The following TNRC18 variants were observed in gnomAD, a reference collection of about 807,000 sequenced individuals.
TNRC18 encodes trinucleotide repeat containing 18, also known as trinucleotide repeat-containing gene 18 protein.
Under a neutral mutation model 226.7 loss-of-function variants are expected in TNRC18, and 69 were observed. That is an observed-to-expected ratio of 0.30 (90% confidence interval 0.25 to 0.37). The LOEUF is 0.37. TNRC18 is among the 10% of genes least tolerant of loss of function. TNRC18 has a pLI of 1.00. For missense variants in TNRC18, 4,754 were observed against 4,256.6 expected, an observed-to-expected ratio of 1.12 and a Z score of -3.25; for synonymous variants, 2,449 against 1,927.6, an observed-to-expected ratio of 1.27 and a Z score of -7.09.
rs376814816 is a variant in TNRC18 at position 5,385,283 on chromosome 7, T to C, written c.2152+2389A>G. Among the ~76,000 whole-genome samples, 102 of 152,082 alleles carry C rather than the reference T, an allele frequency of 6.7e-4. 2 individuals carry two copies. The highest frequency in any genetic ancestry group is 2.4e-3 in the African/African-American group (99 of 41,512). On this transcript the variant is annotated intron_variant, in intron 5 of 29. Transcript: ENST00000430969. ...GGGCAGATCACTTGAGGTCAGGAGATCGAGACCATCCTGGCTAACAAGGTG... is the reference window on the plus strand; with the variant it reads ...GGGCAGATCACTTGAGGTCAGGAGACCGAGACCATCCTGGCTAACAAGGTG...
At chr7:5,308,539 G>A (rs530471304) in intron 29 of TNRC18, among the ~76,000 whole-genome samples, 2 of 152,270 alleles carry the variant, frequency 1.3e-5, no homozygotes, top group African/African-American at 2.4e-5. Context: ...GAGATCCAAA[G>A]ACGCAGAGAG....
Position 5,389,461 on chromosome 7 carries a change from G to GTTTTTTTTTT in TNRC18, c.488-135_488-126dup. ...TGCCTCCCCCAGTGTTTTGGTTTTG[G>GTTTTTTTTTT]TTTTTTTTTTCAGAAAGAGTCTCGC... On this transcript the variant is annotated intron_variant, in intron 4 of 29. Transcript: ENST00000430969. The GTTTTTTTTTT allele has an allele frequency of 1.1e-5, 6 of 564,664 alleles. No homozygotes were observed. In the African/African-American group the frequency reaches 1.1e-4, roughly 10 times the overall value. The allele number at this position is 564,664 out of a possible 1,614,324, so 35.0% of individuals were successfully genotyped here. A position where few individuals can be genotyped will look rare whatever the true frequency, so the allele number is the denominator to read the frequency against.
intron 2 of TNRC18, among the ~76,000 whole-genome samples, chr7:5,413,355 A>AT (rs1184008359): frequency 6.6e-6 from 1 of 151,848 alleles, no homozygotes; most frequent in African/African-American, 2.4e-5. Flanking sequence ...CACCCAAGCC[A>AT]TTGAGTTCTC....
rs1313882323 is a variant in TNRC18 at position 5,374,371 on chromosome 7, C to T, written c.2913G>A (p.Leu971=). 2.0e-6 allele frequency: 3 copies of T among 1,474,924 alleles called. No individual in the cohort carries two copies. Among genetic ancestry groups the T allele is most frequent in the African/African-American group, 3.0e-5 (2 of 67,336 alleles). 91.4% of individuals were successfully genotyped at this position (1,474,924 alleles called of 1,614,324 possible). Residue 971 remains leucine, a synonymous_variant, in exon 10 of 30, where the codon CTG becomes CTA. Transcript: ENST00000430969. ...AGLATAGPGL[L]PRKPPGLAAG... Reference sequence around the variant, plus strand: ...CGGCCAGGCCAGGGGGCTTCCGCGGCAGCAGCCCGGGGCCGGCGGTGGCCA... The same window carrying T: ...CGGCCAGGCCAGGGGGCTTCCGCGGTAGCAGCCCGGGGCCGGCGGTGGCCA...
intron 17 of TNRC18, 93 bp from the exon 18 acceptor site, chr7:5,345,903 C>T: frequency 6.9e-7 from 1 of 1,457,322 alleles, no homozygotes; most frequent in Non-Finnish European, 9.1e-7. Context: ...CTCTGGGCTC[C>T]AGCCTAGTCC....
At chr7:5,369,312 G>A (rs1473256556) in intron 11 of TNRC18, among the ~76,000 whole-genome samples, 2 of 152,132 alleles carry the variant, frequency 1.3e-5, no homozygotes, top group Non-Finnish European at 2.9e-5. Context: ...TGACACCACT[G>A]CACACCAGCC....
intron 21 of TNRC18, 82 bp from the exon 22 acceptor site, chr7:5,321,272 T>A (rs2128113629): frequency 6.7e-6 from 7 of 1,046,844 alleles, no homozygotes; most frequent in South Asian, 1.5e-5. Flanking sequence ...CCCCAAGTCA[T>A]CCCCTTGGAA....
intron 2 of TNRC18, among the ~76,000 whole-genome samples, chr7:5,400,170 G>A (rs1360991929): frequency 6.6e-5 from 10 of 152,090 alleles, no homozygotes. Context: ...GTGCTGGGAT[G>A]ACAGACCTGA....
At chr7:5,389,449 G>GTTTTTT in intron 4 of TNRC18, 113 bp from the exon 5 acceptor site, 1 of 626,684 alleles carries the variant, frequency 1.6e-6, no homozygotes, top group Non-Finnish European at 2.0e-6. Context: ...CTCCCCCAGT[G>GTTTTTT]TTTTGGTTTT....
At position 5,394,420 on chromosome 7, in the gene TNRC18, G is replaced by A. The variant is rs1010767932; in HGVS notation, c.343+20C>T. 3.6e-5 allele frequency: 55 copies of A among 1,515,120 alleles called. No homozygotes were observed. Among genetic ancestry groups the A allele is most frequent in the East Asian group, 5.1e-5 (2 of 38,908 alleles). The allele number at this position is 1,515,120 out of a possible 1,614,324, so 93.9% of individuals were successfully genotyped here. ...CGTCAGCCCAGCAGCCCTCAGCCCC[G>A]ACCCCGGCATGTTCCTTACCTTCAT... On this transcript the variant is annotated intron_variant, in intron 3 of 29. Transcript: ENST00000430969. This position sits in a 1 kb window ranked among gnomAD's most constrained non-coding sequence, Gnocchi z 4.5.
chr7:5,393,040 C>T (rs544934518), intron 3 of TNRC18, among the ~76,000 whole-genome samples: 3 of 152,244 alleles, frequency 2.0e-5, no homozygotes, highest in African/African-American at 4.8e-5. Flanking sequence ...GTCCCTCCCC[C>T]GGGCAGGGCT....
intron 11 of TNRC18, among the ~76,000 whole-genome samples, chr7:5,364,462 A>AACAC (rs58752853): frequency 0.051 from 5,923 of 116,320 alleles, 157 homozygotes; most frequent in African/African-American, 0.057. Flanking sequence ...TCTCAAAGAA[A>AACAC]ACACACACAC....
At chr7:5,389,475 A>G (rs1279669244) in intron 4 of TNRC18, 139 bp from the exon 5 acceptor site, 23 of 255,954 alleles carry the variant, frequency 9.0e-5, no homozygotes, top group African/African-American at 2.0e-4. Flanking sequence ...TTTTTTTCAG[A>G]AAGAGTCTCG....
chr7:5,352,213 A>C, intron 16 of TNRC18, 119 bp from the exon 17 acceptor site: 1 of 1,079,904 alleles, frequency 9.3e-7, no homozygotes, highest in South Asian at 1.7e-5. Context: ...ACAGGTCCGA[A>C]TACCTAGTAG....
At chr7:5,422,810 C>G (rs1782659874) in intron 1 of TNRC18, 2 of 152,282 alleles carry the variant, frequency 1.3e-5, no homozygotes, top group Non-Finnish European at 2.9e-5. Context: ...TTACCAGATT[C>G]GCGTTTACTT....
chr7:5,363,413 T>C (rs1037502378), intron 11 of TNRC18, among the ~76,000 whole-genome samples: 2 of 151,688 alleles, frequency 1.3e-5, no homozygotes, highest in Non-Finnish European at 1.5e-5. Flanking sequence ...CCATCCTGGC[T>C]AACACGGTGA....
chr7:5,360,953 C>T (rs1032826580), intron 14 of TNRC18, among the ~76,000 whole-genome samples: 6 of 152,194 alleles, frequency 3.9e-5, no homozygotes, highest in African/African-American at 1.4e-4. Flanking sequence ...CTGCCCCAGG[C>T]TCCCAACACT....
chr7:5,389,192 C>A lies in TNRC18; in HGVS notation c.632G>T (p.Gly211Val), dbSNP rs760738975. The A allele has an allele frequency of 8.3e-6, 11 of 1,320,826 alleles. No individual in the cohort carries two copies. The highest frequency in any genetic ancestry group is 3.5e-5 in the East Asian group (1 of 28,344). 81.8% of individuals were successfully genotyped at this position (1,320,826 alleles called of 1,614,324 possible). The part of the protein sequence containing the change: ...SRDGPAKERA[G>V]RGGEPPPLFG... ...AAGCGGAGGCGGCTCCCCGCCGCGG[C>A]CCGCCCGCTCCTTGGCTGGACCGTC... The change falls in exon 5 of 30, where the codon GGC (glycine) becomes GTC (valine). Residue 211 changes from glycine (G) to valine (V), a missense_variant. Coordinates refer to ENST00000430969, the MANE Select transcript of TNRC18 (RefSeq NM_001080495.3).
At chr7:5,378,506 C>A (rs1389140236) in intron 5 of TNRC18, among the ~76,000 whole-genome samples, 1 of 151,656 alleles carries the variant, frequency 6.6e-6, no homozygotes. Context: ...GCAAGCTCCA[C>A]CTCCCAGGTT....
Sources: gnomAD v4.1 joint callset for allele counts (sites outside exome capture counted in the v4.1 genomes callset) on GRCh38, gnomAD v4.1.1 for gene constraint, Gnocchi (gnomAD v3.1) non-coding constraint, MANE v1.5 for transcripts, NCBI Gene and HGNC (gene_info 2026-07-23, HGNC 2026-07-21) for gene names.